The following TBC1D14 variants were observed in gnomAD, a reference collection of about 807,000 sequenced individuals.
TBC1D14 encodes the protein TBC1 domain family member 14.
Under a neutral mutation model 79.0 loss-of-function variants are expected in TBC1D14, and 26 were observed. The observed-to-expected ratio is 0.33, with a 90% CI of 0.24 to 0.46. TBC1D14 has a LOEUF of 0.46. TBC1D14 is among the 20% of genes least tolerant of loss of function. The probability of loss-of-function intolerance (pLI) is 1.00; values close to 1 mark genes in which losing one functional copy is unlikely to be tolerated. For missense variants in TBC1D14, 769 were observed against 887.6 expected (o/e 0.87, Z 1.70); for synonymous variants, 394 against 349.9 (o/e 1.13, Z -1.40).
At chr4:6,983,761 C>T (rs1465457286) in intron 3 of TBC1D14, among the ~76,000 whole-genome samples, 1 of 152,166 alleles carries the variant, frequency 6.6e-6, no homozygotes. Context: ...TTGCACTTTC[C>T]TTTTTAGTCT....
chr4:6,922,984 T>A (rs1035065864), intron 1 of TBC1D14, among the ~76,000 whole-genome samples: 7 of 152,150 alleles, frequency 4.6e-5, no homozygotes, highest in African/African-American at 1.7e-4. Context: ...GTGGATTGCT[T>A]GAGGTCAGGA....
chr4:7,028,026 A>C (rs1303992026), intron 13 of TBC1D14, among the ~76,000 whole-genome samples: 1 of 124,970 alleles, frequency 8.0e-6, no homozygotes, highest in Non-Finnish European at 1.6e-5. Context: ...ACCCACACAT[A>C]CATGCACACA....
intron 1 of TBC1D14, among the ~76,000 whole-genome samples, chr4:6,911,570 C>T (rs926475705): frequency 1.3e-5 from 2 of 152,250 alleles, no homozygotes; most frequent in African/African-American, 2.4e-5. Context: ...TCTGCTGTTC[C>T]CCTGTGTTCC....
intron 1 of TBC1D14, among the ~76,000 whole-genome samples, chr4:6,922,503 C>T (rs1313388202): frequency 1.3e-5 from 2 of 152,090 alleles, no homozygotes; most frequent in East Asian, 3.8e-4. Flanking sequence ...TGGTTTCTTC[C>T]GTGGTAAAGG....
intron 12 of TBC1D14, 84 bp from the exon 13 acceptor site, chr4:7,024,920 T>C: frequency 6.4e-7 from 1 of 1,563,882 alleles, no homozygotes; most frequent in Non-Finnish European, 8.7e-7. Flanking sequence ...GGGAGTGTTT[T>C]TCATGGAATC....
At chr4:7,015,199 A>C (rs1424819007) in intron 12 of TBC1D14, among the ~76,000 whole-genome samples, 2 of 152,018 alleles carry the variant, frequency 1.3e-5, no homozygotes, top group East Asian at 1.9e-4. Flanking sequence ...GCTTCTGCTG[A>C]GGATGAGGGT....
intron 2 of TBC1D14, among the ~76,000 whole-genome samples, chr4:6,965,950 T>A (rs1290952054): frequency 6.6e-6 from 1 of 152,238 alleles, no homozygotes; most frequent in Non-Finnish European, 1.5e-5. Flanking sequence ...AATCCATTCC[T>A]CATTGAGCTT....
chr4:6,961,662 T>C (rs1339566387), intron 2 of TBC1D14, among the ~76,000 whole-genome samples: 1 of 152,100 alleles, frequency 6.6e-6, no homozygotes, highest in Non-Finnish European at 1.5e-5. Context: ...TTGGCAGGAT[T>C]TGTGGCAGGG....
chr4:7,017,409 G>A (rs569623219), intron 12 of TBC1D14, among the ~76,000 whole-genome samples: 4 of 152,278 alleles, frequency 2.6e-5, no homozygotes, highest in African/African-American at 7.2e-5. Flanking sequence ...AAGTCTACCC[G>A]GCTCTAGAGC....
chr4:6,978,923 T>TGATA (rs1717104717), intron 3 of TBC1D14, among the ~76,000 whole-genome samples: 1 of 152,106 alleles, frequency 6.6e-6, no homozygotes, highest in African/African-American at 2.4e-5. Flanking sequence ...AAAGCAAAAA[T>TGATA]GATAATGTCT....
chr4:6,951,156 G>C (rs1330776715), intron 2 of TBC1D14, among the ~76,000 whole-genome samples: 1 of 152,146 alleles, frequency 6.6e-6, no homozygotes, highest in Non-Finnish European at 1.5e-5. Flanking sequence ...GCCGCGTGTA[G>C]TGGCAGGCAC....
intron 9 of TBC1D14, 128 bp downstream of exon 9, chr4:7,006,854 T>C (rs1407924191): frequency 3.5e-5 from 24 of 676,534 alleles, no homozygotes; most frequent in Middle Eastern, 5.3e-4. Flanking sequence ...GTAGGGTGGA[T>C]GTTACTATTA....
At chr4:6,997,767 A>T (rs534192231) in intron 5 of TBC1D14, among the ~76,000 whole-genome samples, 8 of 152,240 alleles carry the variant, frequency 5.3e-5, no homozygotes, top group African/African-American at 1.9e-4. Flanking sequence ...CAATCAATCA[A>T]AACAGGACAA....
intron 3 of TBC1D14, among the ~76,000 whole-genome samples, chr4:6,973,199 A>G (rs1716370352): frequency 6.6e-6 from 1 of 152,116 alleles, no homozygotes; most frequent in South Asian, 2.1e-4. Flanking sequence ...CTGGAATTTC[A>G]AGTCAGCTCT....
At position 6,926,992 on chromosome 4, in the gene TBC1D14, G is replaced by A. The variant is rs538805956; in HGVS notation, c.722+2881G>A. ...TGGGTTATGGAAGGACGTGTGAACA[G>A]TGTAGTCTAGGAGAACATGCTCGGA... On this transcript the variant is annotated intron_variant, in intron 2 of 13. Transcript: ENST00000409757. Among the ~76,000 whole-genome samples, 365 of 152,356 alleles carry A rather than the reference G, an allele frequency of 2.4e-3. 1 individual carries two copies. Among genetic ancestry groups the A allele is most frequent in the Non-Finnish European group, 3.3e-3 (223 of 68,026 alleles).
chr4:6,982,490 A>T (rs1717468079), intron 3 of TBC1D14, among the ~76,000 whole-genome samples: 1 of 152,206 alleles, frequency 6.6e-6, no homozygotes, highest in Non-Finnish European at 1.5e-5. Flanking sequence ...AGAGTGATCC[A>T]ACTGTTTTAT....
intron 11 of TBC1D14, among the ~76,000 whole-genome samples, chr4:7,014,192 A>G (rs1432808187): frequency 6.6e-6 from 1 of 152,240 alleles, no homozygotes; most frequent in Admixed American, 6.5e-5. Flanking sequence ...GGCAAGTTCC[A>G]TAACTGCTTT....
intron 1 of TBC1D14, among the ~76,000 whole-genome samples, chr4:6,918,152 A>G (rs907713945): frequency 6.6e-6 from 1 of 152,228 alleles, no homozygotes; most frequent in Non-Finnish European, 1.5e-5. Context: ...ACTTAAAGCC[A>G]GATGGCTTTG....
intron 3 of TBC1D14, among the ~76,000 whole-genome samples, chr4:6,988,061 G>C (rs1433001747): frequency 2.0e-5 from 3 of 152,208 alleles, no homozygotes; most frequent in Admixed American, 2.0e-4. Context: ...TCAGGGGTTA[G>C]CCGGGGCTGC....
Sources: gnomAD v4.1 joint callset for allele counts (sites outside exome capture counted in the v4.1 genomes callset) on GRCh38, gnomAD v4.1.1 for gene constraint, MANE v1.5 for transcripts, NCBI Gene and HGNC (gene_info 2026-07-23, HGNC 2026-07-21) for gene names.